Variants in PUDP observed in about 807,000 individuals in gnomAD.
The protein encoded by PUDP is pseudouridine 5'-phosphatase.
PUDP carries 8 observed loss-of-function variants against 9.4 expected under a neutral mutation model. The ratio of observed to expected loss-of-function variants is 0.85; its 90% CI spans 0.50 to 1.53. The LOEUF (loss-of-function observed/expected upper bound fraction) is 1.53, where lower values mean the gene tolerates loss of function less well. Among genes scored for constraint, PUDP ranks in the 40% most tolerant of loss-of-function variants. PUDP has a pLI of 0.00. For synonymous variants in PUDP, 99 were observed against 80.7 expected, an observed-to-expected ratio of 1.23 and a Z score of -1.22; for missense variants, 188 against 189.7, an observed-to-expected ratio of 0.99 and a Z score of 0.05.
chrX:7,116,858 T>C, intron 1 of PUDP: 3 of 1,085,841 alleles, frequency 2.8e-6, no homozygotes, highest in Non-Finnish European at 1.2e-6. Flanking sequence ...CAGTGAGCTC[T>C]TGCTCTGAGT....
chrX:6,972,468 G>A (rs1312572703), intron 3 of PUDP, among the ~76,000 whole-genome samples: 2 of 112,147 alleles, frequency 1.8e-5, no homozygotes, highest in Non-Finnish European at 3.8e-5. Flanking sequence ...AGATAATCAT[G>A]TGGTTTTTGT....
At chrX:6,787,199 A>G (rs1925662137) in intron 3 of PUDP, among the ~76,000 whole-genome samples, 1 of 112,080 alleles carries the variant, frequency 8.9e-6, no homozygotes, top group African/African-American at 3.2e-5. Context: ...ACCAAGGAAT[A>G]GTCAGAATCT....
At chrX:7,139,388 T>A (rs1251872224) in intron 1 of PUDP, among the ~76,000 whole-genome samples, 1 of 112,128 alleles carries the variant, frequency 8.9e-6, no homozygotes, top group Non-Finnish European at 1.9e-5. Context: ...TCACATCTCA[T>A]GAACCCAGTT....
At chrX:7,051,530 A>T (rs962668012) in intron 3 of PUDP, among the ~76,000 whole-genome samples, 13 of 111,954 alleles carry the variant, frequency 1.2e-4, no homozygotes, top group Middle Eastern at 4.6e-3. Context: ...CTATTAAAAT[A>T]AAAATTAAAA....
At chrX:6,896,840 G>A (rs900100068) in intron 3 of PUDP, among the ~76,000 whole-genome samples, 1 of 111,547 alleles carries the variant, frequency 9.0e-6, no homozygotes, top group Non-Finnish European at 1.9e-5. Context: ...GATGTGGCGG[G>A]ACAGAAGACT....
intron 2 of PUDP, among the ~76,000 whole-genome samples, chrX:7,087,041 G>A (rs1020951724): frequency 8.9e-6 from 1 of 111,885 alleles, no homozygotes; most frequent in African/African-American, 3.3e-5. Context: ...GTGGCAGTCT[G>A]AGCTGGGAGT....
chrX:6,706,637 A>G (rs1358641531), intron 1 of PUDP, among the ~76,000 whole-genome samples: 1 of 111,835 alleles, frequency 8.9e-6, no homozygotes, highest in African/African-American at 3.2e-5. Flanking sequence ...GAAGGTGGAG[A>G]AGATCAGAAT....
At position 6,734,198 on chromosome X, in the gene PUDP, G is replaced by A. The variant is rs140168847; in HGVS notation, c.*248-27732C>T. On this transcript the variant is annotated intron_variant and NMD_transcript_variant, in intron 3 of 3. Transcript: ENST00000655425. ...GAATGTTGCCTTGTTGAGTAGTGGA[G>A]GGAAGAAACAGGGAGGTGTTATCCA... 2.1e-4 allele frequency among the ~76,000 whole-genome samples: 23 copies of A among 111,808 alleles called. No individual in the cohort carries two copies. The East Asian group carries it at 5.1e-3, about 25-fold the overall frequency.
chrX:6,936,767 G>A (rs1477024320), intron 3 of PUDP, among the ~76,000 whole-genome samples: 1 of 90,391 alleles, frequency 1.1e-5, no homozygotes, highest in Non-Finnish European at 2.2e-5. Flanking sequence ...TCCTTAAGCT[G>A]ATAAGCAACT....
intron 2 of PUDP, among the ~76,000 whole-genome samples, chrX:7,093,072 T>C (rs1465116983): frequency 6.2e-5 from 7 of 112,252 alleles, no homozygotes; most frequent in African/African-American, 2.3e-4. Flanking sequence ...TACATTCACA[T>C]TGTTGTACAG....
intron 3 of PUDP, among the ~76,000 whole-genome samples, chrX:7,061,638 A>G (rs1390354117): frequency 4.9e-5 from 5 of 102,888 alleles, no homozygotes. Context: ...TTCCAAAGTC[A>G]ACACACAACA....
chrX:6,769,897 T>C (rs1189518990), intron 3 of PUDP, among the ~76,000 whole-genome samples: 3 of 111,927 alleles, frequency 2.7e-5, no homozygotes, highest in Admixed American at 1.9e-4. Context: ...CACTGTGGGG[T>C]CTGAACAACC....
intron 3 of PUDP, among the ~76,000 whole-genome samples, chrX:6,972,420 G>A (rs1383387535): frequency 1.8e-5 from 2 of 112,010 alleles, no homozygotes; most frequent in African/African-American, 6.5e-5. Context: ...ACATGAAGAG[G>A]TGTTGAATTT....
At chrX:6,985,278 T>C (rs1929088874) in intron 1 of PUDP, among the ~76,000 whole-genome samples, 1 of 111,882 alleles carries the variant, frequency 8.9e-6, no homozygotes, top group African/African-American at 3.3e-5. Context: ...TATAAGCAAT[T>C]AACTTCATTT....
chrX:6,729,314 C>T (rs1185797319), intron 3 of PUDP, among the ~76,000 whole-genome samples: 8 of 111,555 alleles, frequency 7.2e-5, no homozygotes, highest in African/African-American at 2.6e-4. Flanking sequence ...TACCCATGAC[C>T]TGGGAGCCCT....
At chrX:7,025,216 C>T (rs893896974) in intron 1 of PUDP, among the ~76,000 whole-genome samples, 3 of 111,779 alleles carry the variant, frequency 2.7e-5, no homozygotes, top group African/African-American at 9.8e-5. Flanking sequence ...CCTGTCAGAG[C>T]ACGTCCTCTT....
intron 1 of PUDP, among the ~76,000 whole-genome samples, chrX:6,980,668 A>G (rs1929020040): frequency 9.3e-6 from 1 of 106,971 alleles, no homozygotes; most frequent in Admixed American, 1.0e-4. Flanking sequence ...ATGAAAATTA[A>G]AAAAAAAAAA....
At chrX:7,085,218 C>G (rs1043484687) in intron 2 of PUDP, 2 of 112,486 alleles carry the variant, frequency 1.8e-5, no homozygotes, top group Non-Finnish European at 3.8e-5. Context: ...CTTACTGTTG[C>G]GAGGCTTCCT....
At chrX:7,044,422 G>A (rs753388177), downstream of PUDP, among the ~76,000 whole-genome samples, 1 of 112,591 alleles carries the variant, frequency 8.9e-6, no homozygotes, top group South Asian at 3.7e-4. Context: ...AAGTGACAAT[G>A]AAACACCAAA....
Sources: allele counts gnomAD v4.1 joint callset (sites outside exome capture counted in the v4.1 genomes callset), GRCh38; gene constraint gnomAD v4.1.1; transcripts MANE v1.5; gene names NCBI Gene and HGNC (gene_info 2026-07-23, HGNC 2026-07-21).